TBC1D22A: variants seen among roughly 807,000 people sequenced by gnomAD.
The protein encoded by TBC1D22A is TBC1 domain family member 22A.
In TBC1D22A, 38 loss-of-function variants were observed where a neutral mutation model predicts 60.2. The ratio of observed to expected loss-of-function variants is 0.63; its 90% CI spans 0.49 to 0.83. The LOEUF is 0.83. Ranked by LOEUF, TBC1D22A falls within the 40% of genes least tolerant of loss-of-function variation. TBC1D22A has a pLI of 0.00. For synonymous variants in TBC1D22A, 302 were observed against 281.7 expected, an observed-to-expected ratio of 1.07 and a Z score of -0.72; for missense variants, 628 against 701.0, an observed-to-expected ratio of 0.90 and a Z score of 1.18.
At chr22:46,768,991 G>A (rs801632) in intron 1 of TBC1D22A, among the ~76,000 whole-genome samples, 21,983 of 151,554 alleles carry the variant, frequency 0.15, 2,057 homozygotes, top group African/African-American at 0.26. Context: ...CTACTCAGGA[G>A]GCTGAAGCAG....
intron 8 of TBC1D22A, among the ~76,000 whole-genome samples, chr22:46,934,461 T>G (rs898149722): frequency 6.6e-6 from 1 of 152,208 alleles, no homozygotes; most frequent in Non-Finnish European, 1.5e-5. Context: ...AGTTAAAGAC[T>G]CCAGTGTGCA....
At position 47,037,871 on chromosome 22, in the gene TBC1D22A, C is replaced by A. The variant is rs147495116; in HGVS notation, c.1329+673C>A. Among the ~76,000 whole-genome samples the A allele has an allele frequency of 1.8e-4, 28 of 152,252 alleles. No homozygotes were observed. The East Asian group carries it at 5.2e-3, about 28-fold the overall frequency. ...AGCTGCTTCTGCCAAAAAACTCACG[C>A]TCAGGACTCACACCTTGTCTATATT... On this transcript the variant is annotated intron_variant, in intron 11 of 12. Transcript: ENST00000337137.
At chr22:46,980,046 G>A (rs773458397) in intron 9 of TBC1D22A, among the ~76,000 whole-genome samples, 23 of 152,110 alleles carry the variant, frequency 1.5e-4, no homozygotes, top group Admixed American at 6.5e-5. Flanking sequence ...GATTGCTCTC[G>A]TTAGGAGGAT....
intron 11 of TBC1D22A, among the ~76,000 whole-genome samples, chr22:47,091,410 T>G (rs1184104705): frequency 2.0e-4 from 24 of 121,006 alleles, no homozygotes; most frequent in South Asian, 5.8e-4. Flanking sequence ...TCGTCTTTGG[T>G]GGGGAGTGGC....
intron 11 of TBC1D22A, among the ~76,000 whole-genome samples, chr22:47,077,423 T>A (rs1395837857): frequency 2.6e-5 from 4 of 152,206 alleles, no homozygotes; most frequent in African/African-American, 9.7e-5. Context: ...TTGCTGTGGC[T>A]CCAGAGTTGT....
At chr22:46,806,081 G>C (rs2085121604) in intron 4 of TBC1D22A, among the ~76,000 whole-genome samples, 1 of 152,138 alleles carries the variant, frequency 6.6e-6, no homozygotes, top group Non-Finnish European at 1.5e-5. Context: ...TCGAACTCCT[G>C]ACCTCGTGAT....
At chr22:47,075,241 A>AAAAAC (rs1397056355) in intron 11 of TBC1D22A, among the ~76,000 whole-genome samples, 1 of 150,412 alleles carries the variant, frequency 6.6e-6, no homozygotes, top group African/African-American at 2.4e-5. Context: ...AAAAAAGAGA[A>AAAAAC]CCAAAGTACT....
At chr22:46,982,126 C>T (rs1318084224) in intron 9 of TBC1D22A, among the ~76,000 whole-genome samples, 1 of 151,988 alleles carries the variant, frequency 6.6e-6, no homozygotes, top group Non-Finnish European at 1.5e-5. Flanking sequence ...TGTTTGACAG[C>T]TCTGGAAAGT....
At chr22:47,039,674 C>T (rs1473923277) in intron 11 of TBC1D22A, among the ~76,000 whole-genome samples, 1 of 131,004 alleles carries the variant, frequency 7.6e-6, no homozygotes, top group African/African-American at 2.9e-5. Context: ...CCAGGGGTCG[C>T]GTGCTCCCTC....
chr22:47,056,041 C>A (rs919289601), intron 11 of TBC1D22A, among the ~76,000 whole-genome samples: 1 of 149,526 alleles, frequency 6.7e-6, no homozygotes, highest in African/African-American at 2.5e-5. Context: ...CATCAGGCTT[C>A]ATTACTTGCT....
chr22:47,086,086 C>T (rs950374820), intron 11 of TBC1D22A, among the ~76,000 whole-genome samples: 1 of 152,212 alleles, frequency 6.6e-6, no homozygotes, highest in African/African-American at 2.4e-5. Context: ...GGTGTCAGGA[C>T]GTGTCCATTG....
At chr22:46,953,421 A>G (rs1029095737) in intron 8 of TBC1D22A, among the ~76,000 whole-genome samples, 16 of 151,822 alleles carry the variant, frequency 1.1e-4, no homozygotes, top group African/African-American at 3.6e-4. Flanking sequence ...TTCCTTGTCA[A>G]TTATCTTTTA....
chr22:46,796,016 G>T (rs2084634332), intron 3 of TBC1D22A, among the ~76,000 whole-genome samples: 1 of 152,162 alleles, frequency 6.6e-6, no homozygotes, highest in Non-Finnish European at 1.5e-5. Context: ...CTGCAGTAAG[G>T]CCGGCAGCGG....
chr22:47,057,838 A>T (rs537222461), intron 11 of TBC1D22A, among the ~76,000 whole-genome samples: 1 of 152,348 alleles, frequency 6.6e-6, no homozygotes, highest in East Asian at 1.9e-4. Flanking sequence ...GGGTTGGGAC[A>T]CAGTCAGACC....
At chr22:46,855,851 A>G (rs1005295169) in intron 4 of TBC1D22A, among the ~76,000 whole-genome samples, 1 of 152,234 alleles carries the variant, frequency 6.6e-6, no homozygotes, top group East Asian at 1.9e-4. Context: ...CTGTGGGATT[A>G]TGTTGCTTTG....
chr22:46,835,150 A>G (rs2086463465), intron 4 of TBC1D22A, among the ~76,000 whole-genome samples: 1 of 152,338 alleles, frequency 6.6e-6, no homozygotes, highest in African/African-American at 2.4e-5. Context: ...TTCTGAAGCC[A>G]GTCAGTAAAG....
At chr22:46,802,840 G>A (rs1197633136) in intron 4 of TBC1D22A, among the ~76,000 whole-genome samples, 2 of 151,878 alleles carry the variant, frequency 1.3e-5, no homozygotes, top group Admixed American at 1.3e-4. Flanking sequence ...GGAGGCCGTG[G>A]GCTGGGGATG....
At chr22:47,169,738 C>T (rs766430700) in intron 12 of TBC1D22A, among the ~76,000 whole-genome samples, 51 of 152,182 alleles carry the variant, frequency 3.4e-4, no homozygotes, top group Admixed American at 3.3e-4. Context: ...GCAGACCTGA[C>T]GCGACCTTGA....
At chr22:46,993,330 AT>A (rs1325383619) in intron 9 of TBC1D22A, among the ~76,000 whole-genome samples, 1 of 152,202 alleles carries the variant, frequency 6.6e-6, no homozygotes, top group African/African-American at 2.4e-5. Context: ...TCTGTGAAAC[AT>A]TTCACAACAG....
Sources: gnomAD v4.1 joint callset for allele counts (sites outside exome capture counted in the v4.1 genomes callset) on GRCh38, gnomAD v4.1.1 for gene constraint, MANE v1.5 for transcripts, NCBI Gene and HGNC (gene_info 2026-07-23, HGNC 2026-07-21) for gene names.